The following WFS1 variants were observed in gnomAD, a reference collection of about 807,000 sequenced individuals.
WFS1 encodes wolframin ER transmembrane glycoprotein.
Under a neutral mutation model 68.5 loss-of-function variants are expected in WFS1, and 90 were observed. The ratio of observed to expected loss-of-function variants is 1.31; its 90% CI spans 1.11 to 1.56. The LOEUF is 1.56. Among genes scored for constraint, WFS1 ranks in the 40% most tolerant of loss-of-function variants. The pLI is 0.00. For missense variants in WFS1, 1,767 were observed against 1,232.6 expected (o/e 1.43, Z -6.49); for synonymous variants, 860 against 540.7 (o/e 1.59, Z -8.19).
chr4:6,294,730 G>C (rs1296004108), intron 6 of WFS1: 2 of 409,346 alleles, frequency 4.9e-6, no homozygotes, highest in East Asian at 5.4e-5. Context: ...GGTGAACTGG[G>C]TGAAAGGTGT....
rs1046316 is a variant in WFS1, at chr4:6,302,360, A to G, written c.2565A>G (p.Ser855=). 0.7 allele frequency: 1,127,544 copies of G among 1,612,712 alleles called. 397,452 individuals carry two copies. Among genetic ancestry groups the G allele is most frequent in the East Asian group, 0.96 (42,879 of 44,882 alleles). ...ISCLNCMAQL[S]PTRRHVKIEH... The stretch of plus-strand genomic sequence containing the variant: ...GCCTCAACTGCATGGCCCAGCTCTC[A>G]CCCACCAGGCGGCACGTGAAGATCG... The change falls in exon 8 of 8, where the codon TCA becomes TCG. Residue 855 remains serine, a synonymous_variant. Transcript: ENST00000226760.
chr4:6,275,758 A>G (rs1729976263), intron 1 of WFS1, among the ~76,000 whole-genome samples: 2 of 151,618 alleles, frequency 1.3e-5, no homozygotes, highest in African/African-American at 2.4e-5. Flanking sequence ...GCGGGAATGG[A>G]GCAGAAATTG....
intron 7 of WFS1, among the ~76,000 whole-genome samples, chr4:6,299,886 G>T (rs1397397866): frequency 8.9e-6 from 1 of 112,022 alleles, no homozygotes; most frequent in Non-Finnish European, 1.8e-5. Context: ...CTGCATGTGT[G>T]TGTGTAGGGG....
chr4:6,285,514 T>C (rs4689393), intron 2 of WFS1, among the ~76,000 whole-genome samples: 94,441 of 152,014 alleles, frequency 0.62, 30,055 homozygotes, highest in East Asian at 0.94. Context: ...TCTGATTCTT[T>C]CCTTCTCCAA....
intron 1 of WFS1, among the ~76,000 whole-genome samples, 174 bp downstream of exon 1, chr4:6,270,188 C>G (rs1013846600): frequency 2.0e-5 from 3 of 152,074 alleles, no homozygotes; most frequent in African/African-American, 7.2e-5. Context: ...GGGGGTCCCG[C>G]CCGCTCTGCA....
chr4:6,294,730 G>A, intron 6 of WFS1: 1 of 409,464 alleles, frequency 2.4e-6, no homozygotes, highest in South Asian at 2.1e-5. Context: ...GGTGAACTGG[G>A]TGAAAGGTGT....
Position 6,301,100 on chromosome 4 carries a change from C to T in WFS1, c.1305C>T (p.Ile435=), listed in dbSNP as rs572628451. ...TCCCCTGCTCGGAGCTGGCTGTCAT[C>T]ACCGGCTTCTTTACCGTGACCAGCT... is the stretch of plus-strand genomic sequence containing the variant. ...DCIPCSELAV[I]TGFFTVTSYL... is the part of the protein sequence containing the mutation. Residue 435 remains isoleucine, a synonymous_variant, in exon 8 of 8, where the codon ATC becomes ATT. Transcript: ENST00000226760. 1.2e-5 allele frequency: 20 copies of T among 1,613,988 alleles called. 1 individual carries two copies. In the Middle Eastern group the frequency reaches 2.0e-3, roughly 160 times the overall value.
chr4:6,270,256 GT>G (rs1729762634), intron 1 of WFS1, among the ~76,000 whole-genome samples: 2 of 151,520 alleles, frequency 1.3e-5, no homozygotes, highest in East Asian at 3.9e-4. Flanking sequence ...GCGCGCCCCG[GT>G]CCCCCGCGCG....
chr4:6,277,806 A>G, intron 2 of WFS1, 119 bp downstream of exon 2: 1 of 1,180,952 alleles, frequency 8.5e-7, no homozygotes, highest in Middle Eastern at 2.7e-4. Flanking sequence ...AGCATTGTGC[A>G]GCTCCCATGC....
At chr4:6,297,693 G>C (rs1476007458) in intron 7 of WFS1, among the ~76,000 whole-genome samples, 2 of 152,214 alleles carry the variant, frequency 1.3e-5, no homozygotes, top group Non-Finnish European at 2.9e-5. Context: ...CACAGGCCCA[G>C]ACAGAGAGCT....
chr4:6,298,972 A>T (rs545517824), intron 7 of WFS1, among the ~76,000 whole-genome samples: 2 of 152,324 alleles, frequency 1.3e-5, no homozygotes, highest in East Asian at 3.9e-4. Context: ...CTGGACATGC[A>T]GCCAGGCTTC....
At chr4:6,276,323 G>A (rs1386787947) in intron 1 of WFS1, among the ~76,000 whole-genome samples, 1 of 152,114 alleles carries the variant, frequency 6.6e-6, no homozygotes, top group Non-Finnish European at 1.5e-5. Flanking sequence ...TTCATTACAG[G>A]GATGGTGGTG....
chr4:6,291,483 G>A, intron 5 of WFS1, 116 bp downstream of exon 5: 2 of 1,384,600 alleles, frequency 1.4e-6, no homozygotes, highest in African/African-American at 1.4e-5. Flanking sequence ...TCCCACAGGA[G>A]CCGGGACCTT....
intron 2 of WFS1, among the ~76,000 whole-genome samples, chr4:6,279,672 A>G (rs1730098914): frequency 1.3e-5 from 2 of 152,158 alleles, no homozygotes; most frequent in African/African-American, 2.4e-5. Flanking sequence ...TGAACAAGGA[A>G]CTACATTCTG....
chr4:6,301,363 A>G lies in WFS1; in HGVS notation c.1568A>G (p.Asn523Ser). ...YLFFRMAQLR[N>S]FKGTYCYLVP... ...TTCTTCCGCATGGCACAGCTGAGGA[A>G]TTTCAAGGGCACCTACTGCTACCTT... Residue 523 changes from asparagine to serine, a missense_variant, in exon 8 of 8, where the codon AAT (asparagine) becomes AGT (serine). By Grantham distance (46) the Asn-to-Ser change is conservative. Transcript: ENST00000226760. 6.2e-7 allele frequency: 1 copy of G among 1,612,434 alleles called. No homozygotes were observed. The highest frequency in any genetic ancestry group is 8.5e-7 in the Non-Finnish European group (1 of 1,179,994).
At chr4:6,275,299 C>G (rs1729960830) in intron 1 of WFS1, among the ~76,000 whole-genome samples, 1 of 152,204 alleles carries the variant, frequency 6.6e-6, no homozygotes, top group Non-Finnish European at 1.5e-5. Context: ...GAAGACCTGA[C>G]TTTTCACCAT....
rs966647901 is a variant in WFS1, at chr4:6,287,821, C to G, written c.315+646C>G. ...GCAAGTTCTCACCACCTCACTCTGT[C>G]CCCTTGCACAGGGCTCAAGCAAGTG... On this transcript the variant is annotated intron_variant, in intron 3 of 7. Transcript: ENST00000226760. This position sits in a 1 kb window ranked among gnomAD's most constrained non-coding sequence, Gnocchi z 6.4. Among the ~76,000 whole-genome samples the G allele has an allele frequency of 2.0e-5, 3 of 152,202 alleles. No homozygotes were observed. The highest frequency in any genetic ancestry group is 4.4e-5 in the Non-Finnish European group (3 of 68,042).
chr4:6,298,100 T>C (rs1730685776), intron 7 of WFS1, among the ~76,000 whole-genome samples: 1 of 152,244 alleles, frequency 6.6e-6, no homozygotes, highest in South Asian at 2.1e-4. Context: ...GCCACCCCCT[T>C]GCTACCGTGG....
intron 2 of WFS1, among the ~76,000 whole-genome samples, chr4:6,282,432 C>T (rs1056008118): frequency 6.6e-6 from 1 of 152,178 alleles, no homozygotes; most frequent in Admixed American, 6.5e-5. Flanking sequence ...ACGAGAGGCG[C>T]AGAGAGATCG....
Sources: allele counts gnomAD v4.1 joint callset (sites outside exome capture counted in the v4.1 genomes callset), GRCh38; gene constraint gnomAD v4.1.1; non-coding constraint Gnocchi (gnomAD v3.1); transcripts MANE v1.5; gene names NCBI Gene and HGNC (gene_info 2026-07-23, HGNC 2026-07-21).